The following ITGB3 variants were observed in gnomAD, a reference collection of about 807,000 sequenced individuals.
ITGB3 encodes integrin beta-3.
In ITGB3, 48 loss-of-function variants were observed where a neutral mutation model predicts 85.8. The ratio of observed to expected loss-of-function variants is 0.56; its 90% CI spans 0.44 to 0.71. The LOEUF is 0.71. Ranked by LOEUF, ITGB3 falls within the 30% of genes least tolerant of loss-of-function variation. ITGB3 has a pLI of 0.00. For synonymous variants in ITGB3, 363 were observed against 395.6 expected (o/e 0.92, Z 0.98); for missense variants, 861 against 1,019.1 (o/e 0.84, Z 2.11).
At chr17:47,297,415 G>A (rs369271252) in intron 10 of ITGB3, among the ~76,000 whole-genome samples, 18 of 152,144 alleles carry the variant, frequency 1.2e-4, no homozygotes, top group African/African-American at 3.6e-4. Flanking sequence ...CAGCTCTTTC[G>A]GAGGGCAAGG....
At chr17:47,304,733 G>C (rs978806016) in intron 13 of ITGB3, among the ~76,000 whole-genome samples, 1 of 152,000 alleles carries the variant, frequency 6.6e-6, no homozygotes, top group African/African-American at 2.4e-5. Flanking sequence ...TCAGCCTCCT[G>C]AGTAGCTGGG....
intron 1 of ITGB3, among the ~76,000 whole-genome samples, chr17:47,267,862 T>C (rs1021082602): frequency 3.3e-5 from 5 of 152,308 alleles, no homozygotes; most frequent in African/African-American, 1.2e-4. Context: ...TCTGACAGTG[T>C]CTGTATTAGT....
At chr17:47,283,308 C>G (rs751946751) in intron 2 of ITGB3, 46 bp from the exon 3 acceptor site, 2 of 1,597,382 alleles carry the variant, frequency 1.3e-6, no homozygotes, top group Admixed American at 1.7e-5. Context: ...TAGAGAGTCG[C>G]CATAGCTCTG....
chr17:47,262,221 G>C (rs910111621), intron 1 of ITGB3, among the ~76,000 whole-genome samples: 29 of 152,104 alleles, frequency 1.9e-4, no homozygotes, highest in African/African-American at 7.0e-4. Flanking sequence ...TTAGCACCGC[G>C]GCCTGCTGTC....
At chr17:47,283,228 A>G (rs965777755) in intron 2 of ITGB3, 126 bp from the exon 3 acceptor site, 58 of 932,296 alleles carry the variant, frequency 6.2e-5, no homozygotes, top group Non-Finnish European at 9.8e-5. Flanking sequence ...AAAGACCACA[A>G]CAATTTGTTT....
intron 1 of ITGB3, among the ~76,000 whole-genome samples, chr17:47,271,943 CGGGGTTTCA>C (rs2065045431): frequency 1.3e-5 from 1 of 77,948 alleles, no homozygotes; most frequent in African/African-American, 5.6e-5. Context: ...TTAATAGAGA[CGGGGTTTCA>C]CCATGTTGGT....
chr17:47,283,969 AT>A lies in ITGB3; in HGVS notation c.361+421del, dbSNP rs2143091376. ...GGACAGGGGAATGGGGGCAGACACA[AT>A]AGGTACACAAGACCTTTAGAGGGAG... On this transcript the variant is annotated intron_variant, in intron 3 of 14. Coordinates refer to ENST00000559488, the MANE Select transcript of ITGB3 (RefSeq NM_000212.3). 3.3e-5 allele frequency among the ~76,000 whole-genome samples: 5 copies of A among 152,316 alleles called. No homozygotes were observed. The East Asian group carries it at 9.7e-4, about 29-fold the overall frequency.
Position 47,299,594 on chromosome 17 carries a change from TC to T in ITGB3, c.1913+68del. 1.4e-6 allele frequency: 2 copies of T among 1,412,160 alleles called. No homozygotes were observed. Among genetic ancestry groups the T allele is most frequent in the Non-Finnish European group, 2.0e-6 (2 of 1,010,630 alleles). 87.5% of individuals were successfully genotyped at this position (1,412,160 alleles called of 1,614,324 possible). On this transcript the variant is annotated intron_variant, in intron 11 of 14. Coordinates refer to ENST00000559488, the MANE Select transcript of ITGB3 (RefSeq NM_000212.3). The surrounding 1 kb of genome is among the most constrained non-coding windows in gnomAD (Gnocchi z 5.1). ...GTAGGAGAGGATCCCCTGACTAGAA[TC>T]CCCAGCTCTCCAGGTGTGTTTCTTG...
At chr17:47,298,956 A>C (rs915679157) in intron 10 of ITGB3, among the ~76,000 whole-genome samples, 6 of 152,198 alleles carry the variant, frequency 3.9e-5, no homozygotes, top group African/African-American at 7.2e-5. Flanking sequence ...TCTAGTTCTT[A>C]GACTAGAAGG....
At chr17:47,294,299 G>T (rs1439795173) in intron 10 of ITGB3, among the ~76,000 whole-genome samples, 1 of 152,250 alleles carries the variant, frequency 6.6e-6, no homozygotes. Context: ...TGGGAAGAAG[G>T]TTGGGGACTG....
chr17:47,309,338 C>T (rs1018134940), intron 14 of ITGB3, among the ~76,000 whole-genome samples: 1 of 152,102 alleles, frequency 6.6e-6, no homozygotes, highest in Non-Finnish European at 1.5e-5. Context: ...TAGGCATAAA[C>T]CACCATGCCT....
At chr17:47,263,281 C>T (rs1183593210) in intron 1 of ITGB3, among the ~76,000 whole-genome samples, 1 of 152,158 alleles carries the variant, frequency 6.6e-6, no homozygotes, top group Non-Finnish European at 1.5e-5. Context: ...GGGCTTTATG[C>T]AGTCTTCAGC....
In ITGB3 at chr17:47,312,489, T is replaced by C. The variant is rs1385422535; in HGVS notation, c.*2285T>C. Among the ~76,000 whole-genome samples the C allele has an allele frequency of 1.3e-5, 2 of 152,208 alleles. No homozygotes were observed. Among genetic ancestry groups the C allele is most frequent in the South Asian group, 2.1e-4 (1 of 4,830 alleles). ...GTGTGGAAGCTCATGCCTGTAATTA[T>C]AACCTTCAGCTACTAAGACAGGTGT... On this transcript the variant is annotated 3_prime_UTR_variant, in exon 15 of 15. Coordinates refer to ENST00000559488, the MANE Select transcript of ITGB3 (RefSeq NM_000212.3).
chr17:47,263,373 A>G (rs993746832), intron 1 of ITGB3, among the ~76,000 whole-genome samples: 1 of 152,070 alleles, frequency 6.6e-6, no homozygotes, highest in Non-Finnish European at 1.5e-5. Context: ...CCTGCCCTAG[A>G]TCTTCCCATT....
At chr17:47,275,942 T>C (rs1349323074) in intron 2 of ITGB3, among the ~76,000 whole-genome samples, 1 of 152,122 alleles carries the variant, frequency 6.6e-6, no homozygotes, top group Non-Finnish European at 1.5e-5. Flanking sequence ...TGATGTAGCC[T>C]CCTCCCTCCT....
intron 1 of ITGB3, among the ~76,000 whole-genome samples, chr17:47,264,863 G>T (rs549207449): frequency 1.7e-4 from 26 of 152,106 alleles, no homozygotes; most frequent in Non-Finnish European, 2.8e-4. Context: ...CTTATTGCTT[G>T]TTATTCCTTT....
At chr17:47,292,102 C>T (rs766936511) in intron 9 of ITGB3, 37 bp from the exon 10 acceptor site, 4 of 1,609,436 alleles carry the variant, frequency 2.5e-6, no homozygotes, top group East Asian at 2.2e-5. Context: ...TTAACTGGGC[C>T]CAACTGTGTC....
In ITGB3 at chr17:47,298,448, T is replaced by C. The variant is rs530546206; in HGVS notation, c.1691-860T>C. Among the ~76,000 whole-genome samples, 38 of 152,286 alleles carry C rather than the reference T, an allele frequency of 2.5e-4. No individual in the cohort carries two copies. The East Asian group carries it at 7.1e-3, about 29-fold the overall frequency. The stretch of plus-strand genomic sequence containing the variant: ...CCAACTCCATGGGTTCTCAGTGCCG[T>C]CCCTCTGCCCCTTGGATGCCCCACC... On this transcript the variant is annotated intron_variant, in intron 10 of 14. Transcript: ENST00000559488.
chr17:47,256,406 C>A (rs2064989997), intron 1 of ITGB3, among the ~76,000 whole-genome samples: 1 of 152,066 alleles, frequency 6.6e-6, no homozygotes. Context: ...GCCCCACACT[C>A]TCTCTGAGAA....
Sources: gnomAD v4.1 joint callset for allele counts (sites outside exome capture counted in the v4.1 genomes callset) on GRCh38, gnomAD v4.1.1 for gene constraint, Gnocchi (gnomAD v3.1) non-coding constraint, MANE v1.5 for transcripts, NCBI Gene and HGNC (gene_info 2026-07-23, HGNC 2026-07-21) for gene names.